The following CIDEA variants were observed in gnomAD, a reference collection of about 807,000 sequenced individuals.
CIDEA encodes the protein lipid transferase CIDEA.
A neutral mutation model predicts 18.2 loss-of-function variants in CIDEA; 10 were observed. The ratio of observed to expected loss-of-function variants is 0.55; its 90% CI spans 0.34 to 0.93. The LOEUF is 0.93. Ranked by LOEUF, CIDEA falls within the 40% of genes least tolerant of loss-of-function variation. The pLI, the probability that CIDEA is intolerant of heterozygous loss-of-function variation, is 0.02. For synonymous variants in CIDEA, 128 were observed against 124.8 expected, an observed-to-expected ratio of 1.03 and a Z score of -0.17; for missense variants, 309 against 293.1, an observed-to-expected ratio of 1.05 and a Z score of -0.40.
intron 3 of CIDEA, among the ~76,000 whole-genome samples, chr18:12,266,975 G>T (rs893599953): frequency 6.6e-6 from 1 of 152,104 alleles, no homozygotes; most frequent in Non-Finnish European, 1.5e-5. Context: ...TGGACAGGCT[G>T]GTCTCGAACT....
chr18:12,261,811 G>A (rs1912200925), intron 1 of CIDEA, among the ~76,000 whole-genome samples: 1 of 151,824 alleles, frequency 6.6e-6, no homozygotes, highest in African/African-American at 2.4e-5. Flanking sequence ...GAACTCCTGG[G>A]TTCAAGCTAT....
At chr18:12,275,289 G>A (rs1383343428) in intron 4 of CIDEA, among the ~76,000 whole-genome samples, 1 of 152,188 alleles carries the variant, frequency 6.6e-6, no homozygotes, top group Non-Finnish European at 1.5e-5. Flanking sequence ...GCCACTGTGA[G>A]CCATAACCAC....
intron 4 of CIDEA, among the ~76,000 whole-genome samples, chr18:12,274,836 C>A (rs7229669): frequency 0.77 from 116,901 of 152,128 alleles, 45,115 homozygotes; most frequent in East Asian, 0.87. Flanking sequence ...CCAGCCATAC[C>A]CCAGACCCAT....
Position 12,274,251 on chromosome 18 carries a change from C to A in CIDEA, c.489C>A (p.Cys163Ter), listed in dbSNP as rs1236472880. The A allele has an allele frequency of 6.2e-7, 1 of 1,614,198 alleles. No homozygotes were observed. Among genetic ancestry groups the A allele is most frequent in the East Asian group, 2.2e-5 (1 of 44,876 alleles). The change falls in exon 4 of 5, where the codon TGC becomes TGA. Residue 163 changes from cysteine (C) to a stop codon, truncating the protein, a stop_gained. Coordinates refer to ENST00000320477, the MANE Select transcript of CIDEA (RefSeq NM_001279.4). LOFTEE classifies it low-confidence loss of function (END_TRUNC). ...ACTCCGTGTCCTACGACATCCGGTGCACGGGACTCAAGGGCCTGCTGAGGT... is the reference window on the plus strand; with the variant it reads ...ACTCCGTGTCCTACGACATCCGGTGAACGGGACTCAAGGGCCTGCTGAGGT... ...EMYSVSYDIR[C>*]TGLKGLLRSL...
At chr18:12,274,891 CTGCCCCATAACTGGG>C (rs1386413141) in intron 4 of CIDEA, among the ~76,000 whole-genome samples, 2 of 152,228 alleles carry the variant, frequency 1.3e-5, no homozygotes, top group Non-Finnish European at 2.9e-5. Flanking sequence ...CTGGGTGTTC[CTGCCCCATAACTGGG>C]TGCCACCCCT....
At position 12,277,179 on chromosome 18, in the gene CIDEA, A is replaced by G. The variant is rs535128943; in HGVS notation, c.569A>G (p.Tyr190Cys). 3.1e-6 allele frequency: 5 copies of G among 1,614,038 alleles called. No homozygotes were observed. Among genetic ancestry groups the G allele is most frequent in the Middle Eastern group, 1.6e-4 (1 of 6,062 alleles). ...SAQVTGQFLI[Y>C]LGTYMLRVLD... ...CAGGTGACGGGACAGTTTCTCATCT[A>G]TCTGGGCACATACATGCTCCGGGTG... Residue 190 changes from tyrosine (Y) to cysteine (C), a missense_variant, in exon 5 of 5, where the codon TAT becomes TGT. Coordinates refer to ENST00000320477, the MANE Select transcript of CIDEA (RefSeq NM_001279.4).
Position 12,274,207 on chromosome 18 carries a change from G to A in CIDEA, c.445G>A (p.Ala149Thr), listed in dbSNP as rs973043313. The change falls in exon 4 of 5, where the codon GCC becomes ACC. Residue 149 changes from alanine (A) to threonine (T), a missense_variant. Ala to Thr is a moderately conservative substitution (Grantham distance 58, BLOSUM62 0). Transcript: ENST00000320477. ...CTTCATCGGCTGCCTTAACGTGAAG[G>A]CCACCATGTATGAGATGTACTCCGT... ...KDFIGCLNVK[A>T]TMYEMYSVSY... 3.7e-6 allele frequency: 6 copies of A among 1,614,082 alleles called. No individual in the cohort carries two copies. Among genetic ancestry groups the A allele is most frequent in the East Asian group, 4.5e-5 (2 of 44,888 alleles).
chr18:12,254,462 T>C lies in CIDEA; in HGVS notation c.38+41T>C, dbSNP rs530292553. 1.2e-4 allele frequency: 194 copies of C among 1,591,452 alleles called. 3 individuals are homozygous for C. The South Asian group carries it at 2.1e-3, about 17-fold the overall frequency. On this transcript the variant is annotated intron_variant, in intron 1 of 4. Transcript: ENST00000320477. Reference sequence around the variant, plus strand: ...CCCCCTGATTGCCGTGCGCTTCCAATCGCCTTGCGTTCGGTGGCCTCATAT... The same window carrying C: ...CCCCCTGATTGCCGTGCGCTTCCAACCGCCTTGCGTTCGGTGGCCTCATAT...
In CIDEA at chr18:12,257,207, C is replaced by T. The variant is rs771891039; in HGVS notation, c.38+2786C>T. On this transcript the variant is annotated intron_variant, in intron 1 of 4. Transcript: ENST00000320477. ...CCCTGCTGCTCTTGGTGACAGTGCTCGGTTGGCTTCTGTCCAATTCCTGTG... is the reference window on the plus strand; with the variant it reads ...CCCTGCTGCTCTTGGTGACAGTGCTTGGTTGGCTTCTGTCCAATTCCTGTG... Among the ~76,000 whole-genome samples, 11 of 152,278 alleles carry T rather than the reference C, an allele frequency of 7.2e-5. No individual in the cohort carries two copies. The East Asian group carries it at 7.7e-4, about 11-fold the overall frequency.
Position 12,274,188 on chromosome 18 carries a change from C to T in CIDEA, c.426C>T (p.Ile142=), listed in dbSNP as rs781366854. Residue 142 remains isoleucine, a synonymous_variant, in exon 4 of 5, where the codon ATC becomes ATT. Coordinates refer to ENST00000320477, the MANE Select transcript of CIDEA (RefSeq NM_001279.4). ...DLYRLNPKDF[I]GCLNVKATMY... is the part of the protein sequence containing the mutation. ...ACAGGCTGAACCCCAAGGACTTCATCGGCTGCCTTAACGTGAAGGCCACCA... is the reference window on the plus strand; with the variant it reads ...ACAGGCTGAACCCCAAGGACTTCATTGGCTGCCTTAACGTGAAGGCCACCA... The T allele has an allele frequency of 7.4e-6, 12 of 1,614,100 alleles. No homozygotes were observed. Among genetic ancestry groups the T allele is most frequent in the Admixed American group, 1.7e-5 (1 of 60,016 alleles).
At chr18:12,266,385 G>T (rs1912349394) in intron 3 of CIDEA, among the ~76,000 whole-genome samples, 1 of 152,060 alleles carries the variant, frequency 6.6e-6, no homozygotes, top group African/African-American at 2.4e-5. Context: ...CTCCTGGGAG[G>T]TCAAGGCTGC....
At chr18:12,258,011 A>G (rs1481287009) in intron 1 of CIDEA, among the ~76,000 whole-genome samples, 8 of 152,126 alleles carry the variant, frequency 5.3e-5, no homozygotes, top group Admixed American at 5.2e-4. Context: ...TCTGTGTTAC[A>G]TATGAGACAG....
chr18:12,277,136 T>A lies in CIDEA; in HGVS notation c.526T>A (p.Phe176Ile), dbSNP rs144404034. ...CCTCTGCCACAGGAGTCTGCTGCGGTTCCTGTCCTACTCCGCCCAGGTGAC... is the reference window on the plus strand; with the variant it reads ...CCTCTGCCACAGGAGTCTGCTGCGGATCCTGTCCTACTCCGCCCAGGTGAC... ...LKGLLRSLLR[F>I]LSYSAQVTGQ... The change falls in exon 5 of 5, where the codon TTC becomes ATC. Residue 176 changes from phenylalanine to isoleucine, a missense_variant. Physicochemically the swap from Phe to Ile is conservative, Grantham distance 21. Transcript: ENST00000320477. 8 of 1,614,052 alleles carry A rather than the reference T, an allele frequency of 5.0e-6. No individual in the cohort carries two copies. In the African/African-American group the frequency reaches 1.1e-4, roughly 22 times the overall value.
At chr18:12,256,398 T>G (rs1183039211) in intron 1 of CIDEA, among the ~76,000 whole-genome samples, 2 of 152,142 alleles carry the variant, frequency 1.3e-5, no homozygotes, top group Non-Finnish European at 2.9e-5. Flanking sequence ...ATCAGGTACT[T>G]GTAGTCAGTG....
At chr18:12,259,093 T>G (rs1459394264) in intron 1 of CIDEA, among the ~76,000 whole-genome samples, 1 of 152,194 alleles carries the variant, frequency 6.6e-6, no homozygotes, top group Non-Finnish European at 1.5e-5. Context: ...GTGCCAGTCC[T>G]GGGGCCGCGT....
At chr18:12,262,242 T>C (rs531060093) in intron 1 of CIDEA, among the ~76,000 whole-genome samples, 4 of 150,598 alleles carry the variant, frequency 2.7e-5, no homozygotes, top group African/African-American at 1.0e-4. Context: ...TGTCCTGTGA[T>C]GTAAGCCCTG....
intron 3 of CIDEA, among the ~76,000 whole-genome samples, chr18:12,271,773 T>C (rs1194537025): frequency 6.6e-6 from 1 of 152,088 alleles, no homozygotes; most frequent in Admixed American, 6.5e-5. Flanking sequence ...TAGGCCTTTC[T>C]GGGCAAAACC....
chr18:12,258,638 C>G, intron 1 of CIDEA, among the ~76,000 whole-genome samples: 1 of 152,232 alleles, frequency 6.6e-6, no homozygotes, highest in Non-Finnish European at 1.5e-5. Flanking sequence ...GGAGCCGCGT[C>G]TTCTGGCCAG....
intron 1 of CIDEA, 37 bp from the exon 2 acceptor site, chr18:12,262,788 C>A: frequency 6.3e-7 from 1 of 1,589,006 alleles, no homozygotes; most frequent in Non-Finnish European, 8.6e-7. Context: ...CTGACAGACT[C>A]TTTTTAAAAA....
Sources: gnomAD v4.1 joint callset for allele counts (sites outside exome capture counted in the v4.1 genomes callset) on GRCh38, gnomAD v4.1.1 for gene constraint, MANE v1.5 for transcripts, NCBI Gene and HGNC (gene_info 2026-07-23, HGNC 2026-07-21) for gene names.